The following DIAPH2 variants were observed in gnomAD, a reference collection of about 807,000 sequenced individuals.
DIAPH2 encodes protein diaphanous homolog 2.
A neutral mutation model predicts 92.7 loss-of-function variants in DIAPH2; 35 were observed. That is an observed-to-expected ratio of 0.38 (90% confidence interval 0.29 to 0.50). The LOEUF is 0.50. Among genes scored for constraint, DIAPH2 ranks in the 20% least tolerant of loss-of-function variants. The pLI, the probability that DIAPH2 is intolerant of heterozygous loss-of-function variation, is 0.94. For synonymous variants in DIAPH2, 301 were observed against 280.4 expected (o/e 1.07, Z -0.73); for missense variants, 701 against 819.5 (o/e 0.86, Z 1.77).
At chrX:96,808,856 T>C (rs758264236) in intron 4 of DIAPH2, among the ~76,000 whole-genome samples, 33 of 112,031 alleles carry the variant, frequency 2.9e-4, no homozygotes, top group African/African-American at 1.0e-3. Flanking sequence ...ATGGTTGTTT[T>C]AAATTACGTG....
chrX:97,191,512 G>A (rs143274075), intron 22 of DIAPH2, among the ~76,000 whole-genome samples: 1,650 of 110,936 alleles, frequency 0.015, 23 homozygotes, highest in African/African-American at 0.051. Flanking sequence ...GGCTTAAGGA[G>A]AGTAGTCTCA....
At chrX:97,402,579 A>G (rs2147750850) in intron 25 of DIAPH2, among the ~76,000 whole-genome samples, 1 of 111,793 alleles carries the variant, frequency 8.9e-6, no homozygotes, top group African/African-American at 3.2e-5. Context: ...ACCCTCATGT[A>G]TCTGAACTTT....
At chrX:96,764,441 A>G (rs2064289161) in intron 4 of DIAPH2, among the ~76,000 whole-genome samples, 1 of 111,346 alleles carries the variant, frequency 9.0e-6, no homozygotes, top group African/African-American at 3.3e-5. Flanking sequence ...TGAAACAAAG[A>G]ATGTATATTG....
At chrX:97,222,285 A>G (rs1056510354) in intron 22 of DIAPH2, among the ~76,000 whole-genome samples, 1 of 110,605 alleles carries the variant, frequency 9.0e-6, no homozygotes. Context: ...GCTCGCTGCA[A>G]CCTCCGCCTC....
intron 21 of DIAPH2, among the ~76,000 whole-genome samples, chrX:97,135,650 T>C (rs1380404063): frequency 1.8e-5 from 2 of 111,675 alleles, no homozygotes; most frequent in Non-Finnish European, 3.8e-5. Context: ...ATTCCAAGTG[T>C]GCATAAATTG....
intron 1 of DIAPH2, among the ~76,000 whole-genome samples, chrX:96,729,089 G>A (rs1221674212): frequency 8.9e-6 from 1 of 111,923 alleles, no homozygotes; most frequent in African/African-American, 3.2e-5. Flanking sequence ...TCAAAGTAAG[G>A]CCTCCCTACT....
intron 22 of DIAPH2, among the ~76,000 whole-genome samples, chrX:97,247,443 T>G (rs781594571): frequency 8.9e-6 from 1 of 111,797 alleles, no homozygotes; most frequent in East Asian, 2.8e-4. Flanking sequence ...TCAATAAATT[T>G]AAATTGAAAT....
intron 26 of DIAPH2, chrX:97,528,723 G>A (rs754918821): frequency 9.0e-6 from 1 of 111,600 alleles, no homozygotes; most frequent in Non-Finnish European, 1.9e-5. Context: ...AGGTTTGGGG[G>A]ATAAACATTC....
chrX:97,257,656 A>G (rs1270718999), intron 23 of DIAPH2, among the ~76,000 whole-genome samples: 1 of 111,620 alleles, frequency 9.0e-6, no homozygotes, highest in African/African-American at 3.3e-5. Context: ...TACTTAATCC[A>G]TGTGAATGAA....
At chrX:96,752,729 A>G (rs2064201476) in intron 3 of DIAPH2, among the ~76,000 whole-genome samples, 1 of 111,997 alleles carries the variant, frequency 8.9e-6, no homozygotes, top group South Asian at 3.7e-4. Context: ...GAGCAAAATA[A>G]TGAGTGTGTA....
At chrX:97,510,426 T>C (rs1259867228) in intron 26 of DIAPH2, among the ~76,000 whole-genome samples, 7 of 111,684 alleles carry the variant, frequency 6.3e-5, no homozygotes, top group African/African-American at 2.3e-4. Context: ...GTCAGATGAG[T>C]AGATTGCGAA....
intron 24 of DIAPH2, among the ~76,000 whole-genome samples, chrX:97,351,837 G>T (rs773425345): frequency 9.0e-6 from 1 of 110,682 alleles, no homozygotes; most frequent in Non-Finnish European, 1.9e-5. Flanking sequence ...TGACATTAGG[G>T]CAGAGTCTTG....
intron 4 of DIAPH2, among the ~76,000 whole-genome samples, chrX:96,820,056 A>G (rs233681): frequency 0.3 from 33,243 of 111,308 alleles, 3,566 homozygotes; most frequent in Admixed American, 0.38. Flanking sequence ...TTGCTGTGGC[A>G]GTAAGAGAGA....
Position 96,949,017 on chromosome X carries a change from A to C in DIAPH2, c.1592A>C (p.Glu531Ala). Residue 531 changes from glutamate (E) to alanine (A), a missense_variant, in exon 15 of 27, where the codon GAA (glutamate) becomes GCA (alanine). Physicochemically the swap from Glu to Ala is moderately radical, Grantham distance 107 (BLOSUM62 -1). Transcript: ENST00000324765. The part of the protein sequence containing the change: ...RDEKIKELEA[E>A]IQQLRTQAQV... ...GAGAAAATCAAAGAACTTGAAGCAG[A>C]AATCCAGCAACTTCGAACCCAGGTA... The C allele has an allele frequency of 8.3e-7, 1 of 1,199,876 alleles. No individual in the cohort carries two copies. The highest frequency in any genetic ancestry group is 1.7e-5 in the African/African-American group (1 of 57,545).
At chrX:97,104,702 C>A (rs952861356) in intron 20 of DIAPH2, among the ~76,000 whole-genome samples, 13 of 111,465 alleles carry the variant, frequency 1.2e-4, no homozygotes, top group Admixed American at 9.6e-4. Context: ...TTTTAATACT[C>A]TAACCCTGTG....
chrX:97,418,827 T>C (rs2069976552), intron 25 of DIAPH2, among the ~76,000 whole-genome samples: 1 of 112,100 alleles, frequency 8.9e-6, no homozygotes, highest in South Asian at 3.7e-4. Context: ...ACTGTTCTTT[T>C]GGAACTGGAC....
intron 25 of DIAPH2, among the ~76,000 whole-genome samples, chrX:97,394,848 C>T (rs773620738): frequency 7.2e-5 from 8 of 111,549 alleles, no homozygotes; most frequent in African/African-American, 2.6e-4. Flanking sequence ...TCTGTCAGAT[C>T]TCTCCATCAT....
At chrX:96,954,748 T>TAC in intron 15 of DIAPH2, among the ~76,000 whole-genome samples, 1 of 112,402 alleles carries the variant, frequency 8.9e-6, no homozygotes, top group African/African-American at 3.2e-5. Context: ...TACAGGGTTA[T>TAC]AATAAGGATC....
chrX:97,289,378 T>G (rs138647635), intron 23 of DIAPH2, among the ~76,000 whole-genome samples: 2,354 of 112,104 alleles, frequency 0.021, 60 homozygotes, highest in African/African-American at 0.073. Flanking sequence ...GTGTCATGTT[T>G]ATGTCTTCAT....
Sources: allele counts gnomAD v4.1 joint callset (sites outside exome capture counted in the v4.1 genomes callset), GRCh38; gene constraint gnomAD v4.1.1; transcripts MANE v1.5; gene names NCBI Gene and HGNC (gene_info 2026-07-23, HGNC 2026-07-21).